Variants in AARS1 observed in about 807,000 individuals in gnomAD.
AARS1 encodes the protein alanine--tRNA ligase, cytoplasmic.
A neutral mutation model predicts 108.9 loss-of-function variants in AARS1; 72 were observed. That is an observed-to-expected ratio of 0.66 (90% CI 0.55 to 0.80). The LOEUF (loss-of-function observed/expected upper bound fraction) is 0.80. Ranked by LOEUF, AARS1 falls within the 30% of genes least tolerant of loss-of-function variation. The probability of loss-of-function intolerance (pLI) is 0.00; values close to 1 mark genes in which losing one functional copy is unlikely to be tolerated. For missense variants in AARS1, 1,193 were observed against 1,233.2 expected (o/e 0.97, Z 0.49); for synonymous variants, 489 against 465.7 (o/e 1.05, Z -0.64).
At position 70,262,429 on chromosome 16, in the gene AARS1, C is replaced by A; in HGVS notation, c.1588G>T (p.Asp530Tyr). 6.2e-7 allele frequency: 1 copy of A among 1,614,198 alleles called. No individual in the cohort carries two copies. The highest frequency in any genetic ancestry group is 8.5e-7 in the Non-Finnish European group (1 of 1,180,054). ...STGQECGVVL[D>Y]KTCFYAEQGG... ...TGCTCAGCATAGAAACAGGTCTTGT[C>A]CAGCACCACTCCACACTCCTGGCCT... The change falls in exon 12 of 21, where the codon GAC becomes TAC. Residue 530 changes from aspartate to tyrosine, a missense_variant. By Grantham distance (160) the Asp-to-Tyr change is radical. Coordinates refer to ENST00000261772, the MANE Select transcript of AARS1 (RefSeq NM_001605.3).
Position 70,278,209 on chromosome 16 carries a change from T to C in AARS1, c.145-1055A>G, listed in dbSNP as rs116399415. ...GCCTGGGAAACATAAGGAGACCCCTTCTCTATTTTTATAAAAATAAAAAAC... is the reference window on the plus strand; with the variant it reads ...GCCTGGGAAACATAAGGAGACCCCTCCTCTATTTTTATAAAAATAAAAAAC... On this transcript the variant is annotated intron_variant, in intron 2 of 20. Transcript: ENST00000261772. Among the ~76,000 whole-genome samples, 748 of 152,086 alleles carry C rather than the reference T, an allele frequency of 4.9e-3. 2 individuals carry two copies. The highest frequency in any genetic ancestry group is 0.017 in the African/African-American group (713 of 41,500).
At chr16:70,253,835 C>T in intron 18 of AARS1, 35 bp from the exon 19 acceptor site, 3 of 1,614,222 alleles carry the variant, frequency 1.9e-6, no homozygotes, top group Non-Finnish European at 2.5e-6. Flanking sequence ...CAGCTCAGAC[C>T]AAAAGCCCAG....
rs1255965037 is a variant in AARS1 at position 70,252,484 on chromosome 16, G to A, written c.*237C>T. The A allele has an allele frequency of 1.2e-5, 7 of 574,190 alleles. No individual in the cohort carries two copies. Among genetic ancestry groups the A allele is most frequent in the African/African-American group, 3.7e-5 (2 of 53,438 alleles). The allele number at this position is 574,190 out of a possible 1,614,324, so 35.6% of individuals were successfully genotyped here. On this transcript the variant is annotated 3_prime_UTR_variant, in exon 21 of 21. Transcript: ENST00000261772. Reference sequence around the variant, plus strand: ...CTGGAGAGCCGTTATCTATAGATGCGAGCGTGACGATCAACAGCAATGCGG... The same window carrying A: ...CTGGAGAGCCGTTATCTATAGATGCAAGCGTGACGATCAACAGCAATGCGG...
intron 1 of AARS1, among the ~76,000 whole-genome samples, chr16:70,287,500 G>A (rs1195803490): frequency 6.6e-6 from 1 of 151,180 alleles, no homozygotes; most frequent in Non-Finnish European, 1.5e-5. Context: ...CACTTTGGGA[G>A]GCTGAAACAG....
At chr16:70,268,588 GGTTT>G (rs1960321487) in intron 7 of AARS1, among the ~76,000 whole-genome samples, 2 of 152,162 alleles carry the variant, frequency 1.3e-5, no homozygotes, top group East Asian at 3.8e-4. Context: ...GGTAAACGCT[GGTTT>G]GTTTTCCTTT....
chr16:70,272,739 G>A (rs887911184), intron 4 of AARS1, among the ~76,000 whole-genome samples: 4 of 150,770 alleles, frequency 2.7e-5, no homozygotes, highest in Non-Finnish European at 4.4e-5. Flanking sequence ...GCAACATTGC[G>A]AAACCCCGAC....
At chr16:70,253,531 C>CG in intron 19 of AARS1, 150 bp from the exon 20 acceptor site, 1 of 1,009,488 alleles carries the variant, frequency 9.9e-7, no homozygotes, top group Non-Finnish European at 1.5e-6. Flanking sequence ...ACCCCAGCGC[C>CG]GGGCCCTGCC....
At chr16:70,260,942 G>A (rs1960117520) in intron 13 of AARS1, 102 bp downstream of exon 13, 2 of 904,124 alleles carry the variant, frequency 2.2e-6, no homozygotes, top group South Asian at 2.7e-5. Context: ...GATTACAAGT[G>A]TGAGCCACCA....
At chr16:70,257,785 G>T (rs1223355765) in intron 15 of AARS1, among the ~76,000 whole-genome samples, 1 of 152,162 alleles carries the variant, frequency 6.6e-6, no homozygotes, top group Admixed American at 6.5e-5. Context: ...GCAACTGTGT[G>T]GTAATGTGAA....
At chr16:70,270,406 T>C in intron 5 of AARS1, 66 bp from the exon 6 acceptor site, 1 of 1,594,652 alleles carries the variant, frequency 6.3e-7, no homozygotes, top group East Asian at 2.2e-5. Context: ...CAGTCCCTGC[T>C]GGTTAAAATT....
intron 19 of AARS1, 95 bp from the exon 20 acceptor site, chr16:70,253,476 T>C (rs868086088): frequency 4.5e-6 from 5 of 1,117,480 alleles, no homozygotes; most frequent in Middle Eastern, 4.9e-4. Context: ...CACCCACCCC[T>C]ACCCCTTCCC....
rs184573862 is a variant in AARS1, at chr16:70,283,641, G to A, written c.-21-857C>T. On this transcript the variant is annotated intron_variant, in intron 1 of 20. Transcript: ENST00000261772. ...AAAGTTCCACTAGCCCCAAAGTCAG[G>A]GTCTCTAGGTTTGGCCTGATGTCAT... is the stretch of plus-strand genomic sequence containing the variant. Among the ~76,000 whole-genome samples, 142 of 152,252 alleles carry A rather than the reference G, an allele frequency of 9.3e-4. 1 individual carries two copies. The highest frequency in any genetic ancestry group is 7.0e-3 in the Admixed American group (107 of 15,274).
At chr16:70,253,210 G>A (rs779206404) in intron 20 of AARS1, 58 bp downstream of exon 20, 136 of 1,403,604 alleles carry the variant, frequency 9.7e-5, no homozygotes, top group Middle Eastern at 1.8e-4. Context: ...TACACACACA[G>A]GCCTCAGCCA....
At chr16:70,263,161 A>C (rs1289740748) in intron 11 of AARS1, among the ~76,000 whole-genome samples, 1 of 152,064 alleles carries the variant, frequency 6.6e-6, no homozygotes. Context: ...GCTACTGAAC[A>C]GAAACTTGGT....
chr16:70,263,997 C>T (rs1597438788), intron 11 of AARS1, among the ~76,000 whole-genome samples: 2 of 152,048 alleles, frequency 1.3e-5, no homozygotes, highest in South Asian at 2.1e-4. Flanking sequence ...CCTGTAATCC[C>T]AGCACTTTGG....
At chr16:70,289,050 G>C (rs2152174634) in intron 1 of AARS1, among the ~76,000 whole-genome samples, 1 of 150,998 alleles carries the variant, frequency 6.6e-6, no homozygotes, top group African/African-American at 2.4e-5. Context: ...GCCTGGACCG[G>C]CATCAGCTGT....
intron 9 of AARS1, 41 bp downstream of exon 9, chr16:70,267,618 T>G (rs751501174): frequency 8.7e-6 from 14 of 1,613,348 alleles, no homozygotes; most frequent in Non-Finnish European, 1.2e-5. Flanking sequence ...CCCAGAAAGA[T>G]CAAACGGCCA....
chr16:70,265,733 A>T, intron 9 of AARS1, 71 bp from the exon 10 acceptor site: 2 of 1,595,032 alleles, frequency 1.3e-6, no homozygotes. Flanking sequence ...CTCCAAAAGG[A>T]TGCTGGGACT....
Position 70,252,683 on chromosome 16 carries a change from G to A in AARS1, c.*38C>T. 1 of 1,608,894 alleles carries A rather than the reference G, an allele frequency of 6.2e-7. No individual in the cohort carries two copies. ...TGTAGCAGATGAAGAGCTCTTGGCT[G>A]GACGGATGGATCCAGTGGGAGCCTC... On this transcript the variant is annotated 3_prime_UTR_variant, in exon 21 of 21. Coordinates refer to ENST00000261772, the MANE Select transcript of AARS1 (RefSeq NM_001605.3).
Sources: allele counts gnomAD v4.1 joint callset (sites outside exome capture counted in the v4.1 genomes callset), GRCh38; gene constraint gnomAD v4.1.1; transcripts MANE v1.5; gene names NCBI Gene and HGNC (gene_info 2026-07-23, HGNC 2026-07-21).